The following KRT84 variants were observed in gnomAD, a reference collection of about 807,000 sequenced individuals.
The protein encoded by KRT84 is keratin, type II cuticular Hb4.
KRT84 carries 38 observed loss-of-function variants against 49.0 expected under a neutral mutation model. The observed-to-expected ratio is 0.78, with a 90% CI of 0.60 to 1.02. The LOEUF is 1.02. KRT84 is among the 50% of genes least tolerant of loss of function. The pLI is 0.00. For missense variants in KRT84, 860 were observed against 788.6 expected (o/e 1.09, Z -1.08); for synonymous variants, 334 against 312.8 (o/e 1.07, Z -0.72).
At chr12:52,384,764 G>C (rs1025884815) in intron 1 of KRT84, among the ~76,000 whole-genome samples, 2 of 152,124 alleles carry the variant, frequency 1.3e-5, no homozygotes, top group Non-Finnish European at 2.9e-5. Flanking sequence ...TTAGTTTGTC[G>C]AGATGCCCTC....
In KRT84 at chr12:52,383,783, G is replaced by A; in HGVS notation, c.562C>T (p.Gln188Ter). 6.2e-7 allele frequency: 1 copy of A among 1,613,338 alleles called. No homozygotes were observed. Among genetic ancestry groups the A allele is most frequent in the Non-Finnish European group, 8.5e-7 (1 of 1,179,546 alleles). The stretch of plus-strand genomic sequence containing the variant: ...TTGGTCTCTAGGAGCTTATTCTGCT[G>A]CTCTAGGAACCGAACCTAAATCCAC... ...SFIDKVRFLE[Q>*]QNKLLETKWS... is the part of the protein sequence containing the mutation. Residue 188 changes from glutamine (Q) to a stop codon, truncating the protein, a stop_gained, in exon 2 of 9, where the codon CAG becomes TAG. Coordinates refer to ENST00000257951, the MANE Select transcript of KRT84 (RefSeq NM_033045.4). LOFTEE classifies it high-confidence loss of function.
Position 52,378,181 on chromosome 12 carries a change from CCTTGTGCCAGTG to C in KRT84, c.1644_1655del (p.Ser548_Thr551del). The C allele has an allele frequency of 6.3e-7, 1 of 1,578,786 alleles. No individual in the cohort carries two copies. Among genetic ancestry groups the C allele is most frequent in the South Asian group, 1.2e-5 (1 of 85,362 alleles). ...CCTCGCTGATGAGCATGGAGCCACT[CCTTGTGCCAGTG>C]CTCAGCAGGTCCCCAGTGGCCGGGG... is the stretch of plus-strand genomic sequence containing the variant. On this transcript the variant is annotated inframe_deletion, in exon 9 of 9. Coordinates refer to ENST00000257951, the MANE Select transcript of KRT84 (RefSeq NM_033045.4).
At position 52,378,160 on chromosome 12, in the gene KRT84, G is replaced by A. The variant is rs375952220; in HGVS notation, c.1677C>T (p.Ser559=). 1.6e-5 allele frequency: 26 copies of A among 1,575,902 alleles called. No individual in the cohort carries two copies. The highest frequency in any genetic ancestry group is 1.9e-4 in the Middle Eastern group (1 of 5,234). The change falls in exon 9 of 9, where the codon AGC becomes AGT. Residue 559 remains serine (S), a synonymous_variant. Coordinates refer to ENST00000257951, the MANE Select transcript of KRT84 (RefSeq NM_033045.4). ...AGGGGACGCTGGGGACACAGGCCTC[G>A]CTGATGAGCATGGAGCCACTCCTTG... is the stretch of plus-strand genomic sequence containing the variant. ...TGTRSGSMLI[S]EACVPSVPCP...
intron 1 of KRT84, 106 bp from the exon 2 acceptor site, chr12:52,383,904 G>T (rs929116786): frequency 1.1e-6 from 1 of 883,014 alleles, no homozygotes; most frequent in Non-Finnish European, 1.7e-6. Flanking sequence ...TGTCGACAGG[G>T]TTCTCTCCTC....
intron 1 of KRT84, among the ~76,000 whole-genome samples, chr12:52,384,465 A>C (rs974008980): frequency 1.3e-5 from 2 of 152,166 alleles, no homozygotes; most frequent in Middle Eastern, 3.2e-3. Flanking sequence ...AGTGACTACC[A>C]GTGGTCATTC....
chr12:52,380,682 G>T, intron 6 of KRT84, 99 bp from the exon 7 acceptor site: 1 of 1,257,524 alleles, frequency 8.0e-7, no homozygotes, highest in Non-Finnish European at 1.1e-6. Flanking sequence ...ATAGCCTGGG[G>T]CCAAGGCAGG....
Position 52,381,358 on chromosome 12 carries a change from C to T in KRT84, c.1077+3G>A, listed in dbSNP as rs757195974. The T allele has an allele frequency of 6.2e-7, 1 of 1,614,054 alleles. No homozygotes were observed. The highest frequency in any genetic ancestry group is 1.3e-5 in the African/African-American group (1 of 74,930). ...CATCCCTTCCCCAGCCTCCACTGCC[C>T]ACCTTGGTCTGGTACCAGGCCTCAG... is the stretch of plus-strand genomic sequence containing the variant. On this transcript the variant is annotated splice_donor_region_variant and intron_variant, in intron 5 of 8. Transcript: ENST00000257951.
At chr12:52,380,751 T>A (rs2121435125) in intron 6 of KRT84, 168 bp from the exon 7 acceptor site, 4 of 742,880 alleles carry the variant, frequency 5.4e-6, no homozygotes, top group Non-Finnish European at 8.6e-6. Flanking sequence ...TTGATGTCAC[T>A]ATGGGGTAGG....
In KRT84 at chr12:52,385,281, C is replaced by G; in HGVS notation, c.305G>C (p.Cys102Ser). 1.2e-6 allele frequency: 2 copies of G among 1,614,146 alleles called. No homozygotes were observed. The stretch of plus-strand genomic sequence containing the variant: ...GCCAGCTCCAAAGCCCAGACCAACA[C>G]AGCTGTCAGCCCTAGGCCCCAGACC... ...GVGLGPRADS[C>S]VGLGFGAGSG... Residue 102 changes from cysteine (C) to serine (S), a missense_variant, in exon 1 of 9, where the codon TGT (cysteine) becomes TCT (serine). Transcript: ENST00000257951.
In KRT84 at chr12:52,385,223, G is replaced by T; in HGVS notation, c.363C>A (p.Gly121=). The change falls in exon 1 of 9, where the codon GGC becomes GGA. Residue 121 remains glycine, a synonymous_variant. Transcript: ENST00000257951. ...SGIGYGFGGP[G]FGYRVGGVGV... ...CAACCCCTCCAACTCTGTAACCAAA[G>T]CCAGGGCCACCAAAGCCATAGCCAA... The T allele has an allele frequency of 6.2e-7, 1 of 1,613,692 alleles. No individual in the cohort carries two copies. Among genetic ancestry groups the T allele is most frequent in the Non-Finnish European group, 8.5e-7 (1 of 1,179,736 alleles).
chr12:52,385,730 T>C, upstream of KRT84: 1 of 781,346 alleles, frequency 1.3e-6, no homozygotes, highest in Non-Finnish European at 2.0e-6. Flanking sequence ...AAAAAATCCA[T>C]TTGCAGGCAT....
At chr12:52,378,427 C>G (rs1022697443) in intron 8 of KRT84, 47 bp from the exon 9 acceptor site, 1 of 1,385,052 alleles carries the variant, frequency 7.2e-7, no homozygotes, top group Non-Finnish European at 9.5e-7. Context: ...CCAGGGCCCT[C>G]CACCTCCATG....
chr12:52,386,841 A>G (rs1995632), upstream of KRT84, among the ~76,000 whole-genome samples: 48,636 of 152,052 alleles, frequency 0.32, 9,771 homozygotes, highest in African/African-American at 0.57. Context: ...ATTCTAGTGC[A>G]TCCTTTGCCC....
rs1289026731 is a variant in KRT84 at position 52,381,434 on chromosome 12, G to A, written c.1004C>T (p.Ala335Val). 1.2e-6 allele frequency: 2 copies of A among 1,614,138 alleles called. No individual in the cohort carries two copies. The highest frequency in any genetic ancestry group is 3.3e-5 in the Admixed American group (2 of 60,024). The change falls in exon 5 of 9, where the codon GCT becomes GTT. Residue 335 changes from alanine (A) to valine (V), a missense_variant. Transcript: ENST00000257951. ...CTCCTCATACTGGGCCTTGACCTCA[G>A]CAATGATCCCATCAAGGTTCAGGTC... ...SRDLNLDGII[A>V]EVKAQYEEVA...
chr12:52,382,421 G>A lies in KRT84; in HGVS notation c.912+16C>T, dbSNP rs760173731. 1.3e-6 allele frequency: 2 copies of A among 1,578,030 alleles called. No homozygotes were observed. The highest frequency in any genetic ancestry group is 1.7e-5 in the Admixed American group (1 of 59,958). ...CATTGATCTCCTTGGGTGCCCTAGAGAAGATGAACCCTCACCTCCATGTAA... is the reference window on the plus strand; with the variant it reads ...CATTGATCTCCTTGGGTGCCCTAGAAAAGATGAACCCTCACCTCCATGTAA... On this transcript the variant is annotated intron_variant, in intron 4 of 8. Transcript: ENST00000257951.
chr12:52,380,001 G>T, intron 7 of KRT84, 94 bp from the exon 8 acceptor site: 1 of 1,101,292 alleles, frequency 9.1e-7, no homozygotes, highest in South Asian at 1.3e-5. Context: ...GAGTAGATCT[G>T]TGGAGCAGTA....
Position 52,382,636 on chromosome 12 carries a change from G to A in KRT84, c.817-104C>T, listed in dbSNP as rs555173995. The A allele has an allele frequency of 3.5e-5, 31 of 889,856 alleles. 1 individual carries two copies. Among genetic ancestry groups the A allele is most frequent in the Non-Finnish European group, 3.6e-6 (2 of 551,548 alleles). 55.1% of individuals were successfully genotyped at this position (889,856 alleles called of 1,614,324 possible). ...AAAGAGGCAGCCACTTCCCACAGAT[G>A]GTAAGGTCGCTGGGTAGAAGTGAAG... On this transcript the variant is annotated intron_variant, in intron 3 of 8. Transcript: ENST00000257951.
At position 52,380,413 on chromosome 12, in the gene KRT84, C is replaced by T. The variant is rs1939461153; in HGVS notation, c.1374G>A (p.Leu458=). 1 of 1,614,226 alleles carries T rather than the reference C, an allele frequency of 6.2e-7. No individual in the cohort carries two copies. Among genetic ancestry groups the T allele is most frequent in the Non-Finnish European group, 8.5e-7 (1 of 1,180,038 alleles). ...GCCTGTAGGTGGCGATCTCGATGTC[C>T]AGGCCCAGCTTGGCATTCATCAGCT... ...YQELMNAKLG[L]DIEIATYRRL... is the part of the protein sequence containing the mutation. Residue 458 remains leucine (L), a synonymous_variant, in exon 7 of 9, where the codon CTG becomes CTA. Transcript: ENST00000257951.
intron 2 of KRT84, 122 bp downstream of exon 2, chr12:52,383,468 G>A (rs762736561): frequency 3.8e-5 from 15 of 391,988 alleles, no homozygotes; most frequent in East Asian, 6.1e-5. Context: ...CACCTCCCCA[G>A]GCTTGATGTG....
Sources: gnomAD v4.1 joint callset for allele counts (sites outside exome capture counted in the v4.1 genomes callset) on GRCh38, gnomAD v4.1.1 for gene constraint, MANE v1.5 for transcripts, NCBI Gene and HGNC (gene_info 2026-07-23, HGNC 2026-07-21) for gene names.